CDH18: variants seen among roughly 807,000 people sequenced by gnomAD.
CDH18 encodes cadherin-18.
Under a neutral mutation model 67.9 loss-of-function variants are expected in CDH18, and 31 were observed. The ratio of observed to expected loss-of-function variants is 0.46; its 90% CI spans 0.34 to 0.62. CDH18 has a LOEUF of 0.62. Among genes scored for constraint, CDH18 ranks in the 20% least tolerant of loss-of-function variants. CDH18 has a pLI of 0.01. For synonymous variants in CDH18, 362 were observed against 347.2 expected (o/e 1.04, Z -0.48); for missense variants, 890 against 975.5 (o/e 0.91, Z 1.17).
intron 3 of CDH18, among the ~76,000 whole-genome samples, chr5:19,835,624 T>G (rs1781540034): frequency 6.6e-6 from 1 of 152,182 alleles, no homozygotes; most frequent in Admixed American, 6.6e-5. Flanking sequence ...AAGCATATAG[T>G]AATTGCTGAG....
chr5:20,246,806 T>G (rs547509905), intron 2 of CDH18, among the ~76,000 whole-genome samples: 6 of 152,350 alleles, frequency 3.9e-5, no homozygotes, highest in Middle Eastern at 3.4e-3. Flanking sequence ...ATTCTAAATA[T>G]TAAATGAAAG....
intron 4 of CDH18, among the ~76,000 whole-genome samples, chr5:19,727,327 T>C (rs550504837): frequency 1.1e-3 from 162 of 152,276 alleles, no homozygotes; most frequent in African/African-American, 3.8e-3. Flanking sequence ...CTACATTGAC[T>C]GGCATCCTTA....
intron 1 of CDH18, among the ~76,000 whole-genome samples, chr5:20,260,639 T>C (rs1043894661): frequency 2.0e-5 from 3 of 152,172 alleles, no homozygotes; most frequent in African/African-American, 7.2e-5. Context: ...TCATTTTACC[T>C]TGAGTGTGGG....
chr5:20,175,870 C>T (rs1264444657), intron 2 of CDH18, among the ~76,000 whole-genome samples: 1 of 152,040 alleles, frequency 6.6e-6, no homozygotes, highest in Non-Finnish European at 1.5e-5. Flanking sequence ...ATGTTAATCT[C>T]CTTTGGCAAC....
intron 3 of CDH18, among the ~76,000 whole-genome samples, chr5:19,799,907 G>C (rs1777276312): frequency 6.6e-6 from 1 of 151,972 alleles, no homozygotes; most frequent in Non-Finnish European, 1.5e-5. Context: ...AGTTTCCCCA[G>C]TTTTTCTGTT....
At chr5:19,808,683 T>C (rs1778301899) in intron 3 of CDH18, among the ~76,000 whole-genome samples, 1 of 150,868 alleles carries the variant, frequency 6.6e-6, no homozygotes, top group Non-Finnish European at 1.5e-5. Context: ...ATACAAAAAT[T>C]AGCCAGGCAT....
At chr5:20,495,990 A>G (rs988156488) in intron 1 of CDH18, among the ~76,000 whole-genome samples, 2 of 152,134 alleles carry the variant, frequency 1.3e-5, no homozygotes, top group Admixed American at 1.3e-4. Flanking sequence ...TTATAAAGAG[A>G]TGATAAATAT....
chr5:19,711,650 T>TAAAA (rs3062941), intron 5 of CDH18, among the ~76,000 whole-genome samples: 4,559 of 115,436 alleles, frequency 0.039, 253 homozygotes, highest in African/African-American at 0.16. Flanking sequence ...TAGTATAAAG[T>TAAAA]AAAAAAAAAA....
At chr5:19,756,206 C>T (rs942151178) in intron 3 of CDH18, among the ~76,000 whole-genome samples, 5 of 152,006 alleles carry the variant, frequency 3.3e-5, no homozygotes, top group East Asian at 1.9e-4. Context: ...AGTGCTGATA[C>T]GAAGTCAATA....
At chr5:19,477,371 A>T (rs1031457188) in intron 12 of CDH18, among the ~76,000 whole-genome samples, 2 of 151,518 alleles carry the variant, frequency 1.3e-5, no homozygotes, top group African/African-American at 4.8e-5. Flanking sequence ...CCAGGTAGAT[A>T]CTCCATAAAC....
chr5:20,257,280 G>A (rs2126619773), intron 1 of CDH18, among the ~76,000 whole-genome samples: 1 of 152,114 alleles, frequency 6.6e-6, no homozygotes, highest in East Asian at 1.9e-4. Context: ...ATGCTTACAT[G>A]ATTTGGGGTG....
intron 11 of CDH18, among the ~76,000 whole-genome samples, chr5:19,487,306 A>G (rs541222368): frequency 6.6e-6 from 1 of 152,296 alleles, no homozygotes; most frequent in Admixed American, 6.5e-5. Flanking sequence ...CAAGCTAAAC[A>G]ATCTGAGAGC....
At chr5:19,803,122 C>G (rs1030166766) in intron 3 of CDH18, among the ~76,000 whole-genome samples, 1 of 152,172 alleles carries the variant, frequency 6.6e-6, no homozygotes, top group African/African-American at 2.4e-5. Context: ...CCTTTGGGTA[C>G]AAATACTCCA....
rs77509981 is a variant in CDH18, at chr5:20,007,511, T to C, written c.-517-15497A>G. Reference sequence around the variant, plus strand: ...TTACAGTTAAATGTCCATGAAATCTTTGAATACGAAAGGAATTTTTAAGCA... The same window carrying C: ...TTACAGTTAAATGTCCATGAAATCTCTGAATACGAAAGGAATTTTTAAGCA... On this transcript the variant is annotated intron_variant, in intron 2 of 14. Transcript: ENST00000507958. 6.5e-3 allele frequency among the ~76,000 whole-genome samples: 989 copies of C among 152,222 alleles called. 10 individuals are homozygous for C. The highest frequency in any genetic ancestry group is 0.037 in the Middle Eastern group (11 of 294).
chr5:19,964,843 T>C (rs1054703933), intron 2 of CDH18, among the ~76,000 whole-genome samples: 3 of 151,932 alleles, frequency 2.0e-5, no homozygotes, highest in African/African-American at 4.8e-5. Context: ...GTAGTAGCAA[T>C]AGAAATAAAC....
At chr5:19,530,430 TTTTTA>T (rs1197367533) in intron 9 of CDH18, among the ~76,000 whole-genome samples, 2 of 152,162 alleles carry the variant, frequency 1.3e-5, no homozygotes, top group Non-Finnish European at 2.9e-5. Flanking sequence ...TAATTTTCTT[TTTTTA>T]TTTTATTATT....
chr5:20,029,736 C>A (rs1277889110), intron 2 of CDH18, among the ~76,000 whole-genome samples: 1 of 152,150 alleles, frequency 6.6e-6, no homozygotes, highest in East Asian at 1.9e-4. Flanking sequence ...TATTCCAAAA[C>A]ATGATAAAAT....
intron 2 of CDH18, among the ~76,000 whole-genome samples, chr5:20,151,124 G>A (rs1751062591): frequency 6.6e-6 from 1 of 151,868 alleles, no homozygotes; most frequent in Non-Finnish European, 1.5e-5. Flanking sequence ...CCACCCAATA[G>A]ATAGTTTTTC....
chr5:19,560,734 A>T (rs148118890), intron 8 of CDH18, among the ~76,000 whole-genome samples: 1,553 of 152,278 alleles, frequency 0.01, 28 homozygotes, highest in African/African-American at 0.032. Context: ...CAACCCACTG[A>T]GTGGGGGAAA....
Sources: gnomAD v4.1 joint callset for allele counts (sites outside exome capture counted in the v4.1 genomes callset) on GRCh38, gnomAD v4.1.1 for gene constraint, MANE v1.5 for transcripts, NCBI Gene and HGNC (gene_info 2026-07-23, HGNC 2026-07-21) for gene names.